Variants in PAK2 observed in about 807,000 individuals in gnomAD.
The protein encoded by PAK2 is serine/threonine-protein kinase PAK 2.
In PAK2, 21 loss-of-function variants were observed where a neutral mutation model predicts 65.9. The observed-to-expected ratio is 0.32, with a 90% CI of 0.23 to 0.46. The LOEUF (loss-of-function observed/expected upper bound fraction) is 0.46. PAK2 is among the 20% of genes least tolerant of loss of function. PAK2 has a pLI of 1.00. For synonymous variants in PAK2, 204 were observed against 219.7 expected (o/e 0.93, Z 0.63); for missense variants, 324 against 642.6 (o/e 0.50, Z 5.36).
chr3:196,807,092 A>G (rs1210102358), intron 6 of PAK2, among the ~76,000 whole-genome samples: 7 of 152,182 alleles, frequency 4.6e-5, no homozygotes, highest in Admixed American at 4.6e-4. Context: ...GTCATTCAAA[A>G]GGCAGTTGAG....
chr3:196,802,956 G>A (rs908596437), intron 3 of PAK2, 61 bp from the exon 4 acceptor site: 1 of 1,131,712 alleles, frequency 8.8e-7, no homozygotes, highest in Non-Finnish European at 1.2e-6. Context: ...ATTTATCTCT[G>A]GAAATTAATT....
At chr3:196,767,502 T>G (rs1714209484) in intron 1 of PAK2, among the ~76,000 whole-genome samples, 1 of 152,162 alleles carries the variant, frequency 6.6e-6, no homozygotes, top group African/African-American at 2.4e-5. Flanking sequence ...TTTGTTTGTT[T>G]GTTTGAGACG....
intron 3 of PAK2, 96 bp downstream of exon 3, chr3:196,802,123 G>C: frequency 1.3e-6 from 1 of 746,840 alleles, no homozygotes; most frequent in Non-Finnish European, 2.4e-6. Context: ...TTCAGGCCAG[G>C]TGCGGTGGCA....
intron 12 of PAK2, among the ~76,000 whole-genome samples, chr3:196,818,569 A>G (rs1482959541): frequency 2.0e-5 from 3 of 152,050 alleles, no homozygotes; most frequent in South Asian, 4.1e-4. Context: ...GTTTCTCCAC[A>G]TTGGTCAGGC....
At chr3:196,756,761 G>A (rs1017726423) in intron 1 of PAK2, among the ~76,000 whole-genome samples, 16 of 152,304 alleles carry the variant, frequency 1.1e-4, no homozygotes, top group East Asian at 5.8e-4. Flanking sequence ...GCTTGAACCC[G>A]GGAGGAGGAG....
At chr3:196,769,751 G>A (rs1351191901) in intron 1 of PAK2, among the ~76,000 whole-genome samples, 7 of 151,832 alleles carry the variant, frequency 4.6e-5, no homozygotes, top group African/African-American at 1.7e-4. Flanking sequence ...TGGGAGGCAG[G>A]GCTTGCAGTG....
At chr3:196,781,619 T>C (rs1247729977) in intron 1 of PAK2, among the ~76,000 whole-genome samples, 1 of 152,252 alleles carries the variant, frequency 6.6e-6, no homozygotes, top group Non-Finnish European at 1.5e-5. Context: ...CTAATGTGTG[T>C]AAATTAGGAT....
chr3:196,770,409 T>G (rs1448146709), intron 1 of PAK2, among the ~76,000 whole-genome samples: 1 of 151,870 alleles, frequency 6.6e-6, no homozygotes, highest in East Asian at 1.9e-4. Context: ...TCAGCACAGC[T>G]ACTTGGGAGG....
At chr3:196,798,425 C>T (rs1715324004) in intron 2 of PAK2, among the ~76,000 whole-genome samples, 1 of 151,472 alleles carries the variant, frequency 6.6e-6, no homozygotes, top group Non-Finnish European at 1.5e-5. Context: ...CTCACTGCAA[C>T]TGCCACCTCC....
intron 1 of PAK2, among the ~76,000 whole-genome samples, chr3:196,762,856 A>G (rs1448818902): frequency 6.6e-6 from 1 of 152,214 alleles, no homozygotes; most frequent in Non-Finnish European, 1.5e-5. Flanking sequence ...GAAGTGTGCA[A>G]GTACCATATG....
chr3:196,799,480 C>G (rs1345162742), intron 2 of PAK2, among the ~76,000 whole-genome samples: 2 of 152,034 alleles, frequency 1.3e-5, no homozygotes, highest in African/African-American at 4.8e-5. Context: ...GGACTCATGT[C>G]TTTATTGTGG....
chr3:196,824,089 G>T (rs1227056296), intron 13 of PAK2, among the ~76,000 whole-genome samples: 10 of 152,102 alleles, frequency 6.6e-5, no homozygotes, highest in Admixed American at 6.6e-4. Flanking sequence ...ACCAGGCCAG[G>T]GCACATGGCT....
At chr3:196,760,314 G>A (rs565324820) in intron 1 of PAK2, among the ~76,000 whole-genome samples, 4 of 152,058 alleles carry the variant, frequency 2.6e-5, no homozygotes, top group East Asian at 1.9e-4. Context: ...ACACTGGCGC[G>A]ATCTCAGCTC....
chr3:196,815,175 G>A (rs1381031598), intron 11 of PAK2, among the ~76,000 whole-genome samples: 24 of 145,430 alleles, frequency 1.7e-4, no homozygotes, highest in Admixed American at 4.1e-4. Flanking sequence ...GCGAGAGTCC[G>A]TCTCAAAAAA....
chr3:196,819,327 A>C (rs544875321), intron 12 of PAK2, among the ~76,000 whole-genome samples: 169 of 152,260 alleles, frequency 1.1e-3, no homozygotes, highest in African/African-American at 3.7e-3. Context: ...CTCTAGTCCC[A>C]GCTACTCAGG....
In PAK2 at chr3:196,791,215, G is replaced by A. The variant is rs1715059846; in HGVS notation, c.187+8382G>A. 6.6e-6 allele frequency among the ~76,000 whole-genome samples: 1 copy of A among 152,122 alleles called. No homozygotes were observed. Among genetic ancestry groups the A allele is most frequent in the Admixed American group, 6.6e-5 (1 of 15,262 alleles). On this transcript the variant is annotated intron_variant, in intron 2 of 14. Coordinates refer to ENST00000327134, the MANE Select transcript of PAK2 (RefSeq NM_002577.4). The surrounding 1 kb of genome is among the most constrained non-coding windows in gnomAD (Gnocchi z 4.0). The stretch of plus-strand genomic sequence containing the variant: ...CAGCACATTGTTCAATTCCAGACAT[G>A]CTTTAGTATCTTTTTGTTTTAGACA...
rs149522539 is a variant in PAK2 at position 196,751,674 on chromosome 3, CATATATATAT to C, written c.-22+11529_-22+11538del. Among the ~76,000 whole-genome samples the C allele has an allele frequency of 4.2e-5, 3 of 71,818 alleles. 1 individual carries two copies. The highest frequency in any genetic ancestry group is 2.3e-4 in the African/African-American group (3 of 13,270). 47.1% of individuals were successfully genotyped at this position (71,818 alleles called of 152,430 possible). ...AAAAACACACAAATTTATTTATATACATATATATATATATATATATAATTCAGGCTATATA... is the reference window on the plus strand; with the variant it reads ...AAAAACACACAAATTTATTTATATACATATATATATAATTCAGGCTATATA... On this transcript the variant is annotated intron_variant, in intron 1 of 14. Coordinates refer to ENST00000327134, the MANE Select transcript of PAK2 (RefSeq NM_002577.4).
At chr3:196,780,750 C>CT (rs1383443971) in intron 1 of PAK2, among the ~76,000 whole-genome samples, 1 of 152,066 alleles carries the variant, frequency 6.6e-6, no homozygotes, top group Non-Finnish European at 1.5e-5. Context: ...AAAATAAAAG[C>CT]TGTAAGATTT....
At chr3:196,760,703 T>C (rs1286177894) in intron 1 of PAK2, among the ~76,000 whole-genome samples, 1 of 152,180 alleles carries the variant, frequency 6.6e-6, no homozygotes. Flanking sequence ...CTATCCAAAT[T>C]ATTTGTGCTT....
Sources: allele counts gnomAD v4.1 joint callset (sites outside exome capture counted in the v4.1 genomes callset), GRCh38; gene constraint gnomAD v4.1.1; non-coding constraint Gnocchi (gnomAD v3.1); transcripts MANE v1.5; gene names NCBI Gene and HGNC (gene_info 2026-07-23, HGNC 2026-07-21).